ATF7IP: variants seen among roughly 807,000 people sequenced by gnomAD.
The protein encoded by ATF7IP is activating transcription factor 7-interacting protein 1.
A neutral mutation model predicts 106.4 loss-of-function variants in ATF7IP; 23 were observed. The ratio of observed to expected loss-of-function variants is 0.22; its 90% CI spans 0.16 to 0.31. ATF7IP has a LOEUF of 0.31. ATF7IP is among the 10% of genes least tolerant of loss of function. ATF7IP has a pLI of 1.00. For synonymous variants in ATF7IP, 542 were observed against 539.0 expected, an observed-to-expected ratio of 1.01 and a Z score of -0.08; for missense variants, 1,334 against 1,524.3, an observed-to-expected ratio of 0.88 and a Z score of 2.08.
chr12:14,438,586 G>A (rs913364596), intron 5 of ATF7IP, among the ~76,000 whole-genome samples: 3 of 152,178 alleles, frequency 2.0e-5, no homozygotes, highest in South Asian at 2.1e-4. Context: ...GTTGGTTTGC[G>A]GACAGTTCTT....
rs572450331 is a variant in ATF7IP at position 14,478,576 on chromosome 12, G to T, written c.3097+104G>T. ...AAGACAGAAAATTAATATTCATCTT[G>T]TTAATTTGAGGACTACAGTGCATGT... is the stretch of plus-strand genomic sequence containing the variant. On this transcript the variant is annotated intron_variant, in intron 12 of 14. Transcript: ENST00000261168. The T allele has an allele frequency of 1.3e-4, 178 of 1,354,200 alleles. No individual in the cohort carries two copies. The African/African-American group carries it at 2.3e-3, about 17-fold the overall frequency. 83.9% of individuals were successfully genotyped at this position (1,354,200 alleles called of 1,614,324 possible). A position where few individuals can be genotyped will look rare whatever the true frequency, so the allele number is the denominator to read the frequency against.
chr12:14,423,998 C>T lies in ATF7IP; in HGVS notation c.83C>T (p.Ala28Val). The change falls in exon 2 of 15, where the codon GCA becomes GTA. Residue 28 changes from alanine to valine, a missense_variant. Ala to Val is a moderately conservative substitution (Grantham distance 64, BLOSUM62 0). Transcript: ENST00000261168. ...MRVSDRQQLE[A>V]VYKVKEELLK... Reference sequence around the variant, plus strand: ...GTGAGTGATCGTCAGCAACTTGAAGCAGTGTACAAGGTCAAAGAAGAACTG... The same window carrying T: ...GTGAGTGATCGTCAGCAACTTGAAGTAGTGTACAAGGTCAAAGAAGAACTG... 6.2e-7 allele frequency: 1 copy of T among 1,614,062 alleles called. No individual in the cohort carries two copies. Among genetic ancestry groups the T allele is most frequent in the Non-Finnish European group, 8.5e-7 (1 of 1,180,006 alleles).
chr12:14,410,714 A>G (rs73304273), intron 1 of ATF7IP, among the ~76,000 whole-genome samples: 314 of 152,196 alleles, frequency 2.1e-3, no homozygotes, highest in African/African-American at 6.8e-3. Flanking sequence ...AGTTATTGTC[A>G]ATCTCTTACT....
intron 1 of ATF7IP, among the ~76,000 whole-genome samples, chr12:14,397,486 A>C (rs1022876928): frequency 3.3e-5 from 5 of 152,164 alleles, no homozygotes; most frequent in Admixed American, 6.5e-5. Context: ...TTCTAATGAC[A>C]GAAGGGAGAG....
At chr12:14,439,583 C>T (rs1942594348) in intron 5 of ATF7IP, among the ~76,000 whole-genome samples, 1 of 152,280 alleles carries the variant, frequency 6.6e-6, no homozygotes, top group African/African-American at 2.4e-5. Context: ...GTGAGCTCAG[C>T]ACTTTAGGAG....
intron 5 of ATF7IP, among the ~76,000 whole-genome samples, chr12:14,439,722 A>G (rs1423421694): frequency 6.6e-6 from 1 of 152,134 alleles, no homozygotes; most frequent in Non-Finnish European, 1.5e-5. Flanking sequence ...AGTCCCAGCT[A>G]CTTTGGAGGT....
chr12:14,370,715 G>A (rs1199820652), intron 1 of ATF7IP, among the ~76,000 whole-genome samples: 3 of 152,028 alleles, frequency 2.0e-5, no homozygotes, highest in Non-Finnish European at 4.4e-5. Context: ...TTTTCTTGGT[G>A]CAGCTATAAT....
chr12:14,416,419 A>G (rs1270665332), intron 1 of ATF7IP, among the ~76,000 whole-genome samples: 2 of 152,192 alleles, frequency 1.3e-5, no homozygotes, highest in African/African-American at 2.4e-5. Flanking sequence ...TCAAAGATAG[A>G]AATGCCATGT....
chr12:14,371,232 A>C (rs1412643487), intron 1 of ATF7IP, among the ~76,000 whole-genome samples: 1 of 152,092 alleles, frequency 6.6e-6, no homozygotes. Context: ...CTAAACTTGT[A>C]AATTAGTGGA....
chr12:14,496,387 G>T (rs1379081671), intron 14 of ATF7IP, 44 bp downstream of exon 14: 1 of 1,281,848 alleles, frequency 7.8e-7, no homozygotes, highest in Admixed American at 1.8e-5. Flanking sequence ...AACTGTAGAG[G>T]TATAAAATAT....
In ATF7IP at chr12:14,481,122, C is replaced by G; in HGVS notation, c.3217C>G (p.Gln1073Glu). The change falls in exon 13 of 15, where the codon CAG (glutamine) becomes GAG (glutamate). Residue 1073 changes from glutamine (Q) to glutamate (E), a missense_variant. Physicochemically the swap from Gln to Glu is conservative, Grantham distance 29. Transcript: ENST00000261168. ...VYTTLPAPPA[Q>E]APLRGTVMQA... is the part of the protein sequence containing the mutation. ...TACAACTCTTCCTGCACCACCAGCTCAGGCTCCCTTGCGAGGAACTGTTAT... is the reference window on the plus strand; with the variant it reads ...TACAACTCTTCCTGCACCACCAGCTGAGGCTCCCTTGCGAGGAACTGTTAT... The G allele has an allele frequency of 1.2e-6, 2 of 1,614,038 alleles. No homozygotes were observed. Among genetic ancestry groups the G allele is most frequent in the Non-Finnish European group, 1.7e-6 (2 of 1,179,970 alleles).
intron 1 of ATF7IP, among the ~76,000 whole-genome samples, chr12:14,381,756 A>G (rs1939010647): frequency 6.6e-6 from 1 of 152,070 alleles, no homozygotes; most frequent in Non-Finnish European, 1.5e-5. Context: ...TCTCAACCAA[A>G]TACAGTGAAA....
intron 1 of ATF7IP, chr12:14,385,382 A>G (rs1001873189): frequency 4.6e-6 from 7 of 1,533,884 alleles, no homozygotes; most frequent in Non-Finnish European, 6.1e-6. Context: ...GAGACTTGTC[A>G]CATGCATCAG....
At chr12:14,438,656 T>TA (rs1942539292) in intron 5 of ATF7IP, among the ~76,000 whole-genome samples, 1 of 152,176 alleles carries the variant, frequency 6.6e-6, no homozygotes, top group Non-Finnish European at 1.5e-5. Flanking sequence ...GTTGTCCTTG[T>TA]ATGTGTGTCT....
chr12:14,443,486 G>T (rs1388072403), intron 5 of ATF7IP, among the ~76,000 whole-genome samples: 4 of 152,204 alleles, frequency 2.6e-5, no homozygotes, highest in African/African-American at 9.7e-5. Flanking sequence ...TGTAGGAAAG[G>T]TGAAAAATAG....
rs1385533540 is a variant in ATF7IP, at chr12:14,500,786, A to T, written c.*2713A>T. On this transcript the variant is annotated 3_prime_UTR_variant, in exon 15 of 15. Coordinates refer to ENST00000261168, the MANE Select transcript of ATF7IP (RefSeq NM_018179.5). The stretch of plus-strand genomic sequence containing the variant: ...TCAGATGAAGAAAGCCCAGTAGAAT[A>T]AAAAAAAAATTCATTAGCCTAGCCT... The T allele has an allele frequency of 6.7e-6, 1 of 149,724 alleles. No individual in the cohort carries two copies. The highest frequency in any genetic ancestry group is 2.1e-4 in the South Asian group (1 of 4,780). The allele number at this position is 149,724 out of a possible 1,614,324, so 9.3% of individuals were successfully genotyped here. A position where few individuals can be genotyped will look rare whatever the true frequency, so the allele number is the denominator to read the frequency against.
In ATF7IP at chr12:14,386,144, A is replaced by G. The variant is rs1006381154; in HGVS notation, c.-8+20317A>G. ...GCTGAAGTACTCAGTTAATTAAGTT[A>G]TATTTTCATTTTAGTCTTAATTCAA... On this transcript the variant is annotated intron_variant, in intron 1 of 14. Coordinates refer to ENST00000261168, the MANE Select transcript of ATF7IP (RefSeq NM_018179.5). 2.0e-5 allele frequency among the ~76,000 whole-genome samples: 3 copies of G among 152,162 alleles called. No homozygotes were observed. The East Asian group carries it at 5.8e-4, about 29-fold the overall frequency.
At chr12:14,490,786 G>A (rs540774144) in intron 13 of ATF7IP, among the ~76,000 whole-genome samples, 50 of 152,194 alleles carry the variant, frequency 3.3e-4, no homozygotes, top group African/African-American at 1.1e-3. Flanking sequence ...TCTGCCGTCC[G>A]CACCTGCTCG....
chr12:14,386,012 C>G (rs1191873111), intron 1 of ATF7IP, among the ~76,000 whole-genome samples: 1 of 151,930 alleles, frequency 6.6e-6, no homozygotes. Context: ...TTACTTTTTG[C>G]TTAAGTTGGC....
Sources: allele counts gnomAD v4.1 joint callset (sites outside exome capture counted in the v4.1 genomes callset), GRCh38; gene constraint gnomAD v4.1.1; transcripts MANE v1.5; gene names NCBI Gene and HGNC (gene_info 2026-07-23, HGNC 2026-07-21).